Variants in METRN observed in about 807,000 individuals in gnomAD.
The protein encoded by METRN is meteorin.
Under a neutral mutation model 17.4 loss-of-function variants are expected in METRN, and 17 were observed. That is an observed-to-expected ratio of 0.98 (90% CI 0.67 to 1.46). METRN has a LOEUF of 1.46. Ranked by LOEUF, METRN falls within the 40% of genes most tolerant of loss-of-function variation. The probability of loss-of-function intolerance (pLI) is 0.00; values close to 1 mark genes in which losing one functional copy is unlikely to be tolerated. For missense variants in METRN, 489 were observed against 456.2 expected (o/e 1.07, Z -0.65); for synonymous variants, 230 against 210.8 (o/e 1.09, Z -0.79).
chr16:716,058 C>T (rs1455743094), intron 2 of METRN, 74 bp downstream of exon 2: 24 of 1,372,996 alleles, frequency 1.7e-5, no homozygotes, highest in Non-Finnish European at 2.3e-5. Flanking sequence ...GGGAATGTGC[C>T]TTGTCGGCCC....
chr16:716,478 G>T, intron 2 of METRN: 1 of 1,458,976 alleles, frequency 6.9e-7, no homozygotes, highest in South Asian at 1.4e-5. Flanking sequence ...GAAAGGGATG[G>T]GCTCTCGCTA....
intron 2 of METRN, chr16:716,716 G>A: frequency 1.3e-6 from 2 of 1,535,420 alleles, no homozygotes; most frequent in Non-Finnish European, 1.7e-6. Context: ...TGCCTTGGAG[G>A]TACGCGCCTG....
chr16:715,577 TCC>T lies in METRN; in HGVS notation c.105-4_105-3del. The T allele has an allele frequency of 7.4e-7, 1 of 1,344,368 alleles. No homozygotes were observed. Among genetic ancestry groups the T allele is most frequent in the Non-Finnish European group, 9.5e-7 (1 of 1,053,346 alleles). The allele number at this position is 1,344,368 out of a possible 1,614,324, so 83.3% of individuals were successfully genotyped here. On this transcript the variant is annotated splice_polypyrimidine_tract_variant and splice_region_variant and intron_variant, in intron 1 of 3. Coordinates refer to ENST00000568223, the MANE Select transcript of METRN (RefSeq NM_024042.4). ...CGTCTCAGCGCCCCGTCCCGTCCTGTCCCCAGCGGCCTCACCCAGGAGCCCGG... is the reference window on the plus strand; with the variant it reads ...CGTCTCAGCGCCCCGTCCCGTCCTGTCCAGCGGCCTCACCCAGGAGCCCGG...
At position 717,336 on chromosome 16, in the gene METRN, C is replaced by G. The variant is rs758023647; in HGVS notation, c.831C>G (p.Tyr277Ter). The change falls in exon 4 of 4, where the codon TAC becomes TAG. Residue 277 changes from tyrosine to a stop codon, truncating the protein, a stop_gained. Coordinates refer to ENST00000568223, the MANE Select transcript of METRN (RefSeq NM_024042.4). LOFTEE classifies it low-confidence loss of function (END_TRUNC). ...GATTCCAGGAGTTCCGCCGTGCCTA[C>G]GAGGCTGCCCGTGCTGCCCACCTCC... is the stretch of plus-strand genomic sequence containing the variant. ...APRFQEFRRA[Y>*]EAARAAHLHP... 2 of 1,472,046 alleles carry G rather than the reference C, an allele frequency of 1.4e-6. No individual in the cohort carries two copies. The highest frequency in any genetic ancestry group is 1.8e-6 in the Non-Finnish European group (2 of 1,113,472). 91.2% of individuals were successfully genotyped at this position (1,472,046 alleles called of 1,614,324 possible). A position where few individuals can be genotyped will look rare whatever the true frequency, so the allele number is the denominator to read the frequency against.
rs2040178294 is a variant in METRN, at chr16:718,347, G to A, written c.*960G>A. On this transcript the variant is annotated 3_prime_UTR_variant, in exon 4 of 4. Transcript: ENST00000568223. ...CCCCAACCCCTCGGATCCTGGGAAAGAGACAGCCATGGCTCAAGGGCCAGG... is the reference window on the plus strand; with the variant it reads ...CCCCAACCCCTCGGATCCTGGGAAAAAGACAGCCATGGCTCAAGGGCCAGG... 3 of 152,254 alleles carry A rather than the reference G, an allele frequency of 2.0e-5. No individual in the cohort carries two copies. The highest frequency in any genetic ancestry group is 2.4e-5 in the African/African-American group (1 of 41,466). The allele number at this position is 152,254 out of a possible 1,614,324, so 9.4% of individuals were successfully genotyped here. A position where few individuals can be genotyped will look rare whatever the true frequency, so the allele number is the denominator to read the frequency against.
chr16:717,146 G>A lies in METRN; in HGVS notation c.641G>A (p.Arg214His), dbSNP rs778386885. 2.0e-5 allele frequency: 32 copies of A among 1,601,602 alleles called. No individual in the cohort carries two copies. Among genetic ancestry groups the A allele is most frequent in the South Asian group, 3.3e-5 (3 of 89,778 alleles). Residue 214 changes from arginine (R) to histidine (H), a missense_variant, in exon 4 of 4, where the codon CGT (arginine) becomes CAT (histidine). By Grantham distance (29) the Arg-to-His change is conservative (BLOSUM62 0). Coordinates refer to ENST00000568223, the MANE Select transcript of METRN (RefSeq NM_024042.4). ...QESVITVVAA[R>H]VLRQTPPLFQ... The stretch of plus-strand genomic sequence containing the variant: ...TCTGTCATCACTGTGGTGGCCGCCC[G>A]TGTCCTCCGCCAGACACCGCCGCTG...
rs2040177677 is a variant in METRN, at chr16:718,266, G to A, written c.*879G>A. 6.6e-6 allele frequency: 1 copy of A among 152,326 alleles called. No individual in the cohort carries two copies. Among genetic ancestry groups the A allele is most frequent in the Non-Finnish European group, 1.5e-5 (1 of 68,078 alleles). The allele number at this position is 152,326 out of a possible 1,614,324, so 9.4% of individuals were successfully genotyped here. ...ACAGCCCAAGGCTCCGAGGCTAAAA[G>A]CCCCTGGGTGGGGGTGTTCCAGGAC... is the stretch of plus-strand genomic sequence containing the variant. On this transcript the variant is annotated 3_prime_UTR_variant, in exon 4 of 4. Transcript: ENST00000568223.
chr16:717,269 G>A lies in METRN; in HGVS notation c.764G>A (p.Gly255Asp). 1 of 1,554,316 alleles carries A rather than the reference G, an allele frequency of 6.4e-7. No homozygotes were observed. Among genetic ancestry groups the A allele is most frequent in the East Asian group, 2.4e-5 (1 of 41,892 alleles). ...HPGPGTFLFMGWSRFGEARLG... is the reference protein window; with the variant it reads ...HPGPGTFLFMDWSRFGEARLG... ...GGCCCAGGCACCTTCCTCTTCATGG[G>A]CTGGAGCCGCTTTGGGGAGGCCCGG... is the stretch of plus-strand genomic sequence containing the variant. Residue 255 changes from glycine to aspartate, a missense_variant, in exon 4 of 4, where the codon GGC (glycine) becomes GAC (aspartate). Gly to Asp is a moderately conservative substitution (Grantham distance 94). Transcript: ENST00000568223.
Position 715,807 on chromosome 16 carries a change from G to T in METRN, c.328G>T (p.Gly110Cys). The T allele has an allele frequency of 7.9e-7, 1 of 1,260,186 alleles. No homozygotes were observed. Among genetic ancestry groups the T allele is most frequent in the Non-Finnish European group, 9.9e-7 (1 of 1,005,478 alleles). The allele number at this position is 1,260,186 out of a possible 1,614,324, so 78.1% of individuals were successfully genotyped here. Residue 110 changes from glycine to cysteine, a missense_variant, in exon 2 of 4, where the codon GGC becomes TGC. Transcript: ENST00000568223. ...GGALELLLAE[G>C]PGPAGGRCVR... ...CGCCCTGGAGCTGCTGCTGGCCGAG[G>T]GCCCGGGCCCGGCAGGGGGCCGCTG...
rs2040183322 is a variant in METRN, at chr16:718,900, CCCATAGCCTTACAT to C, written c.*1518_*1531del. 6.6e-6 allele frequency: 1 copy of C among 152,494 alleles called. No individual in the cohort carries two copies. The highest frequency in any genetic ancestry group is 1.5e-5 in the Non-Finnish European group (1 of 68,240). The allele number at this position is 152,494 out of a possible 1,614,324, so 9.4% of individuals were successfully genotyped here. ...CTTCAGCCCTGACCACTCCCTGGGG[CCCATAGCCTTACAT>C]CCATCTGCCCCCAGCCCAAACACTT... On this transcript the variant is annotated 3_prime_UTR_variant, in exon 4 of 4. Coordinates refer to ENST00000568223, the MANE Select transcript of METRN (RefSeq NM_024042.4).
Position 715,317 on chromosome 16 carries a change from T to G in METRN, c.28T>G (p.Cys10Gly). The change falls in exon 1 of 4, where the codon TGC (cysteine) becomes GGC (glycine). Residue 10 changes from cysteine (C) to glycine (G), a missense_variant. Coordinates refer to ENST00000568223, the MANE Select transcript of METRN (RefSeq NM_024042.4). The stretch of plus-strand genomic sequence containing the variant: ...GGGGTTCCCGGCCGCGGCGCTGCTC[T>G]GCGCGCTGTGCTGCGGCCTCCTGGC... MGFPAAALL[C>G]ALCCGLLAPA... is the part of the protein sequence containing the mutation. 7.4e-7 allele frequency: 1 copy of G among 1,347,090 alleles called. No individual in the cohort carries two copies. The highest frequency in any genetic ancestry group is 3.2e-5 in the East Asian group (1 of 31,634). 83.4% of individuals were successfully genotyped at this position (1,347,090 alleles called of 1,614,324 possible).
chr16:717,764 T>C lies in METRN; in HGVS notation c.*377T>C, dbSNP rs117153957. On this transcript the variant is annotated 3_prime_UTR_variant, in exon 4 of 4. Transcript: ENST00000568223. The stretch of plus-strand genomic sequence containing the variant: ...CCCCGTCCTTGCCCGCACCCTTGCC[T>C]GCTTCCCTGGCTGGCTCCCACTTGC... 328 of 203,440 alleles carry C rather than the reference T, an allele frequency of 1.6e-3. 9 individuals carry two copies. The South Asian group carries it at 0.041, about 25-fold the overall frequency. The allele number at this position is 203,440 out of a possible 1,614,324, so 12.6% of individuals were successfully genotyped here. A position where few individuals can be genotyped will look rare whatever the true frequency, so the allele number is the denominator to read the frequency against.
Position 716,296 on chromosome 16 carries a change from G to A in METRN, c.505+312G>A, listed in dbSNP as rs550018569. On this transcript the variant is annotated intron_variant, in intron 2 of 3. Coordinates refer to ENST00000568223, the MANE Select transcript of METRN (RefSeq NM_024042.4). ...TGGTGGGGACAGAATCGAAGCCTCC[G>A]GCCAAAGCTGTCCGGGGCTCCCTGG... The A allele has an allele frequency of 1.5e-5, 21 of 1,384,610 alleles. No homozygotes were observed. In the South Asian group the frequency reaches 2.4e-4, roughly 16 times the overall value. 85.8% of individuals were successfully genotyped at this position (1,384,610 alleles called of 1,614,324 possible). A position where few individuals can be genotyped will look rare whatever the true frequency, so the allele number is the denominator to read the frequency against.
chr16:715,331 C>T lies in METRN; in HGVS notation c.42C>T (p.Cys14=). The T allele has an allele frequency of 3.0e-6, 4 of 1,347,186 alleles. No homozygotes were observed. The highest frequency in any genetic ancestry group is 1.7e-5 in the South Asian group (1 of 57,434). The allele number at this position is 1,347,186 out of a possible 1,614,324, so 83.5% of individuals were successfully genotyped here. A position where few individuals can be genotyped will look rare whatever the true frequency, so the allele number is the denominator to read the frequency against. ...PAAALLCALC[C]GLLAPAARAG... ...CGGCGCTGCTCTGCGCGCTGTGCTG[C>T]GGCCTCCTGGCCCCGGCTGCCCGCG... The change falls in exon 1 of 4, where the codon TGC becomes TGT. Residue 14 remains cysteine (C), a synonymous_variant. Coordinates refer to ENST00000568223, the MANE Select transcript of METRN (RefSeq NM_024042.4).
rs199941878 is a variant in METRN, at chr16:716,955, C to T, written c.528C>T (p.Asp176=). The T allele has an allele frequency of 1.7e-5, 27 of 1,585,684 alleles. No homozygotes were observed. The highest frequency in any genetic ancestry group is 3.4e-4 in the Middle Eastern group (2 of 5,906). ...GVDGACRPCS[D]AELLLAACTS... is the part of the protein sequence containing the mutation. ...CAGGTGCCTGCAGGCCCTGCAGCGA[C>T]GCTGAGCTGCTCCTGGCCGCATGCA... Residue 176 remains aspartate (D), a synonymous_variant, in exon 3 of 4, where the codon GAC becomes GAT. Transcript: ENST00000568223.
Position 716,958 on chromosome 16 carries a change from T to C in METRN, c.531T>C (p.Ala177=), listed in dbSNP as rs751518038. 12 of 1,589,122 alleles carry C rather than the reference T, an allele frequency of 7.6e-6. No individual in the cohort carries two copies. The highest frequency in any genetic ancestry group is 1.0e-5 in the Non-Finnish European group (12 of 1,166,236). ...VDGACRPCSD[A]ELLLAACTSD... ...GTGCCTGCAGGCCCTGCAGCGACGC[T>C]GAGCTGCTCCTGGCCGCATGCACCA... is the stretch of plus-strand genomic sequence containing the variant. The change falls in exon 3 of 4, where the codon GCT becomes GCC. Residue 177 remains alanine, a synonymous_variant. Coordinates refer to ENST00000568223, the MANE Select transcript of METRN (RefSeq NM_024042.4).
chr16:717,424 G>T lies in METRN; in HGVS notation c.*37G>T. Reference sequence around the variant, plus strand: ...CTGGGGAGGGGCTGGTAGGAGGGAGGGTGGGCCCACTGCTTTGGAGGTGAT... The same window carrying T: ...CTGGGGAGGGGCTGGTAGGAGGGAGTGTGGGCCCACTGCTTTGGAGGTGAT... On this transcript the variant is annotated 3_prime_UTR_variant, in exon 4 of 4. Transcript: ENST00000568223. 7.4e-7 allele frequency: 1 copy of T among 1,357,290 alleles called. No homozygotes were observed. Among genetic ancestry groups the T allele is most frequent in the South Asian group, 1.7e-5 (1 of 59,970 alleles). 84.1% of individuals were successfully genotyped at this position (1,357,290 alleles called of 1,614,324 possible).
chr16:717,789 C>A lies in METRN; in HGVS notation c.*402C>A. 5.5e-6 allele frequency: 1 copy of A among 181,886 alleles called. No individual in the cohort carries two copies. The highest frequency in any genetic ancestry group is 1.4e-4 in the East Asian group (1 of 7,266). 11.3% of individuals were successfully genotyped at this position (181,886 alleles called of 1,614,324 possible). On this transcript the variant is annotated 3_prime_UTR_variant, in exon 4 of 4. Transcript: ENST00000568223. ...TGCTTCCCTGGCTGGCTCCCACTTG[C>A]CTCCCGTGCCAGGTGCTTCTGGGGC...
intron 2 of METRN, chr16:716,607 C>T (rs1178418686): frequency 6.5e-7 from 1 of 1,535,366 alleles, no homozygotes; most frequent in South Asian, 1.2e-5. Flanking sequence ...AGAGGGGTCC[C>T]AGATGCTGGG....
Sources: gnomAD v4.1 joint callset for allele counts on GRCh38, gnomAD v4.1.1 for gene constraint, MANE v1.5 for transcripts, NCBI Gene and HGNC (gene_info 2026-07-23, HGNC 2026-07-21) for gene names.